Variants in CNBD1 observed in about 807,000 individuals in gnomAD.
CNBD1 encodes the protein cyclic nucleotide-binding domain-containing protein 1.
Under a neutral mutation model 54.4 loss-of-function variants are expected in CNBD1, and 71 were observed. The observed-to-expected ratio is 1.30, with a 90% CI of 1.08 to 1.59. The LOEUF is 1.59. CNBD1 is among the 40% of genes most tolerant of loss of function. CNBD1 has a pLI of 0.00. For synonymous variants in CNBD1, 182 were observed against 170.7 expected, an observed-to-expected ratio of 1.07 and a Z score of -0.51; for missense variants, 659 against 518.0, an observed-to-expected ratio of 1.27 and a Z score of -2.64.
chr8:87,331,148 A>C (rs775968703), intron 8 of CNBD1, among the ~76,000 whole-genome samples: 1 of 152,128 alleles, frequency 6.6e-6, no homozygotes, highest in Non-Finnish European at 1.5e-5. Context: ...TGCTGCACCT[A>C]TCAACCCATT....
intron 4 of CNBD1, among the ~76,000 whole-genome samples, chr8:87,155,872 C>T (rs1268738984): frequency 6.6e-6 from 1 of 152,066 alleles, no homozygotes; most frequent in Non-Finnish European, 1.5e-5. Flanking sequence ...TTATTACATG[C>T]CCACTATGTA....
At chr8:87,291,039 T>A (rs575281557) in intron 8 of CNBD1, among the ~76,000 whole-genome samples, 15 of 152,332 alleles carry the variant, frequency 9.8e-5, no homozygotes, top group Middle Eastern at 3.4e-3. Context: ...TATTGTTAGC[T>A]ATGCTAATCA....
intron 4 of CNBD1, among the ~76,000 whole-genome samples, chr8:87,096,369 A>T (rs1382593525): frequency 6.7e-6 from 1 of 149,124 alleles, no homozygotes; most frequent in African/African-American, 2.5e-5. Flanking sequence ...TTTTTTAATA[A>T]GAACACTAAT....
At chr8:87,195,081 C>T (rs901766896) in intron 4 of CNBD1, among the ~76,000 whole-genome samples, 2 of 151,920 alleles carry the variant, frequency 1.3e-5, no homozygotes, top group Non-Finnish European at 2.9e-5. Context: ...GACAGGGTTT[C>T]ACCACGTTGG....
At chr8:87,127,039 T>C (rs550799483) in intron 4 of CNBD1, among the ~76,000 whole-genome samples, 2 of 151,770 alleles carry the variant, frequency 1.3e-5, no homozygotes, top group South Asian at 4.2e-4. Flanking sequence ...CCCCTGTCTT[T>C]ACAACAAGAC....
chr8:87,112,758 G>A (rs55820444), intron 4 of CNBD1, among the ~76,000 whole-genome samples: 88,930 of 151,370 alleles, frequency 0.59, 27,047 homozygotes, highest in African/African-American at 0.75. Flanking sequence ...ATGACACTTT[G>A]TCCAGTGGTG....
In CNBD1 at chr8:87,276,138, T is replaced by C. The variant is rs559492990; in HGVS notation, c.772-8540T>C. On this transcript the variant is annotated intron_variant, in intron 6 of 10. Transcript: ENST00000518476. The stretch of plus-strand genomic sequence containing the variant: ...CTAATACGTATATATAGTATAGGCA[T>C]TGGAGAGTCTTTGTTACTAATACAT... Among the ~76,000 whole-genome samples the C allele has an allele frequency of 1.4e-4, 21 of 152,046 alleles. No homozygotes were observed. The South Asian group carries it at 4.1e-3, about 30-fold the overall frequency.
intron 8 of CNBD1, among the ~76,000 whole-genome samples, chr8:87,291,937 G>T (rs1808794081): frequency 6.6e-6 from 1 of 152,066 alleles, no homozygotes; most frequent in African/African-American, 2.4e-5. Flanking sequence ...TGAAAATATT[G>T]TTGATGAGTG....
chr8:87,192,412 A>C (rs1813632414), intron 4 of CNBD1, among the ~76,000 whole-genome samples: 1 of 152,196 alleles, frequency 6.6e-6, no homozygotes, highest in Non-Finnish European at 1.5e-5. Flanking sequence ...ATAAGTGGAA[A>C]TCACTATAAT....
chr8:87,236,128 G>A (rs1457456484), intron 5 of CNBD1, among the ~76,000 whole-genome samples: 1 of 152,066 alleles, frequency 6.6e-6, no homozygotes, highest in Non-Finnish European at 1.5e-5. Context: ...TAAGCAAAGT[G>A]TAAGAAAATA....
In CNBD1 at chr8:86,877,419, A is replaced by G. The variant is rs150112859; in HGVS notation, c.89-10123A>G. 2.8e-3 allele frequency among the ~76,000 whole-genome samples: 426 copies of G among 152,262 alleles called. 1 individual carries two copies. Among genetic ancestry groups the G allele is most frequent in the African/African-American group, 9.7e-3 (404 of 41,564 alleles). On this transcript the variant is annotated intron_variant, in intron 1 of 10. Transcript: ENST00000518476. ...TTACTAGGCGAAATTTGATATCCAA[A>G]TAATATCTCTGAGGTTTCATATTTA...
chr8:87,363,699 T>C (rs957944559), intron 10 of CNBD1, among the ~76,000 whole-genome samples: 8 of 151,908 alleles, frequency 5.3e-5, no homozygotes, highest in African/African-American at 1.9e-4. Flanking sequence ...TTTGATGGGG[T>C]TGTTTGTTTT....
intron 4 of CNBD1, among the ~76,000 whole-genome samples, chr8:87,021,592 C>T (rs1223127656): frequency 1.3e-5 from 2 of 152,136 alleles, no homozygotes; most frequent in Non-Finnish European, 2.9e-5. Flanking sequence ...CTAAGTGCCT[C>T]CAAGGCACAT....
intron 2 of CNBD1, among the ~76,000 whole-genome samples, chr8:87,388,558 C>G (rs1346778062): frequency 1.3e-5 from 2 of 152,030 alleles, no homozygotes; most frequent in Non-Finnish European, 2.9e-5. Flanking sequence ...CAGGAAGAAG[C>G]TGAATCTCTG....
intron 4 of CNBD1, among the ~76,000 whole-genome samples, chr8:87,016,174 A>G (rs1809352896): frequency 6.6e-6 from 1 of 151,868 alleles, no homozygotes; most frequent in Non-Finnish European, 1.5e-5. Flanking sequence ...TAACCTTAGT[A>G]ATCTTTATTA....
chr8:87,376,469 A>T (rs776295324), intron 10 of CNBD1, among the ~76,000 whole-genome samples: 9 of 151,894 alleles, frequency 5.9e-5, no homozygotes, highest in Non-Finnish European at 1.0e-4. Flanking sequence ...GAGGGATGTA[A>T]CCATTTAGCC....
intron 4 of CNBD1, among the ~76,000 whole-genome samples, chr8:87,174,152 G>T (rs1227753145): frequency 2.6e-5 from 4 of 151,920 alleles, no homozygotes; most frequent in Non-Finnish European, 5.9e-5. Context: ...TAGAGATGGG[G>T]TTTCACCATG....
intron 5 of CNBD1, among the ~76,000 whole-genome samples, chr8:87,211,966 G>C (rs1814108708): frequency 6.6e-6 from 1 of 152,096 alleles, no homozygotes; most frequent in South Asian, 2.1e-4. Context: ...TATTAAATTG[G>C]TAACTTAATA....
At chr8:87,421,159 T>G (rs556137982) in intron 2 of CNBD1, among the ~76,000 whole-genome samples, 2 of 152,230 alleles carry the variant, frequency 1.3e-5, no homozygotes, top group East Asian at 1.9e-4. Context: ...AGAACCAAAT[T>G]TTACCTTATC....
Sources: allele counts gnomAD v4.1 joint callset (sites outside exome capture counted in the v4.1 genomes callset), GRCh38; gene constraint gnomAD v4.1.1; transcripts MANE v1.5; gene names NCBI Gene and HGNC (gene_info 2026-07-23, HGNC 2026-07-21).